The following GPC5 variants were observed in gnomAD, a reference collection of about 807,000 sequenced individuals.
GPC5 encodes glypican 5.
In GPC5, 47 loss-of-function variants were observed where a neutral mutation model predicts 53.9. That is an observed-to-expected ratio of 0.87 (90% CI 0.69 to 1.11). The LOEUF (loss-of-function observed/expected upper bound fraction) is 1.11, where lower values mean the gene tolerates loss of function less well. GPC5 is among the 50% of genes most tolerant of loss of function. The pLI, the probability that GPC5 is intolerant of heterozygous loss-of-function variation, is 0.00. For synonymous variants in GPC5, 286 were observed against 263.3 expected (o/e 1.09, Z -0.84); for missense variants, 748 against 713.1 (o/e 1.05, Z -0.56).
At chr13:92,154,415 A>G (rs1032677185) in intron 7 of GPC5, among the ~76,000 whole-genome samples, 4 of 152,148 alleles carry the variant, frequency 2.6e-5, no homozygotes, top group Non-Finnish European at 4.4e-5. Flanking sequence ...TCAGTGATCC[A>G]TTACTTCTTT....
intron 6 of GPC5, among the ~76,000 whole-genome samples, chr13:91,989,435 G>T (rs770662601): frequency 5.9e-5 from 9 of 152,102 alleles, no homozygotes; most frequent in Non-Finnish European, 1.3e-4. Context: ...ACAATGCCAG[G>T]TTTTATGTAA....
intron 6 of GPC5, among the ~76,000 whole-genome samples, chr13:91,994,115 C>G (rs554728453): frequency 2.0e-5 from 3 of 152,222 alleles, no homozygotes; most frequent in African/African-American, 7.2e-5. Context: ...CAAAATGTTG[C>G]CCAGGTACTA....
At chr13:91,498,935 CACTCCAGCCTGGGGAACAGAGATG>C (rs1335488774) in intron 2 of GPC5, among the ~76,000 whole-genome samples, 3 of 151,452 alleles carry the variant, frequency 2.0e-5, no homozygotes, top group Non-Finnish European at 4.4e-5. Flanking sequence ...CTTACCACTG[CACTCCAGCCTGGGGAACAGAGATG>C]GAGTCTCCCT....
intron 5 of GPC5, among the ~76,000 whole-genome samples, chr13:91,809,809 G>C (rs879907684): frequency 2.6e-5 from 4 of 151,808 alleles, no homozygotes; most frequent in Non-Finnish European, 4.4e-5. Context: ...AAAAATTCTC[G>C]TGAATATGTG....
chr13:91,976,651 A>T (rs780705216), intron 6 of GPC5, among the ~76,000 whole-genome samples: 2 of 152,212 alleles, frequency 1.3e-5, no homozygotes, highest in Non-Finnish European at 2.9e-5. Context: ...GGATGCAGTG[A>T]TCTGGCGAGT....
chr13:92,213,791 C>A (rs2042391577), intron 7 of GPC5, among the ~76,000 whole-genome samples: 1 of 152,114 alleles, frequency 6.6e-6, no homozygotes, highest in Admixed American at 6.6e-5. Flanking sequence ...TTGCTGCAGT[C>A]CTGCTTTCAT....
intron 5 of GPC5, among the ~76,000 whole-genome samples, chr13:91,820,988 A>G (rs74780472): frequency 5.5e-5 from 6 of 108,288 alleles, no homozygotes; most frequent in Non-Finnish European, 9.8e-5. Flanking sequence ...AAATAAAATA[A>G]AAAAAAAAAA....
At chr13:92,045,872 T>A (rs548978169) in intron 6 of GPC5, among the ~76,000 whole-genome samples, 2 of 152,174 alleles carry the variant, frequency 1.3e-5, no homozygotes, top group East Asian at 3.9e-4. Flanking sequence ...TGAGAAAAAT[T>A]ATAATTTGCC....
At chr13:92,514,405 G>A (rs931129129) in intron 7 of GPC5, among the ~76,000 whole-genome samples, 28 of 152,076 alleles carry the variant, frequency 1.8e-4, no homozygotes, top group Admixed American at 1.8e-3. Context: ...AGAAGTCCTT[G>A]TTTCAGGCTC....
intron 7 of GPC5, among the ~76,000 whole-genome samples, chr13:92,646,929 CATGTGTGTGT>C (rs1349935829): frequency 3.7e-5 from 5 of 135,154 alleles, no homozygotes; most frequent in Non-Finnish European, 7.9e-5. Flanking sequence ...TATATATAAA[CATGTGTGTGT>C]GTGTGTGTGT....
At chr13:91,708,196 G>A (rs192700131) in intron 3 of GPC5, among the ~76,000 whole-genome samples, 44 of 152,258 alleles carry the variant, frequency 2.9e-4, no homozygotes, top group African/African-American at 9.4e-4. Context: ...ATTGATAAAG[G>A]GAGGACATAG....
At chr13:91,812,875 C>G (rs1345067491) in intron 5 of GPC5, among the ~76,000 whole-genome samples, 1 of 152,088 alleles carries the variant, frequency 6.6e-6, no homozygotes, top group Non-Finnish European at 1.5e-5. Flanking sequence ...ACCCTCTGAC[C>G]CAGTTTGCAA....
At chr13:92,278,938 G>A (rs952605891) in intron 7 of GPC5, among the ~76,000 whole-genome samples, 1 of 151,872 alleles carries the variant, frequency 6.6e-6, no homozygotes, top group African/African-American at 2.4e-5. Flanking sequence ...TTTCTAATAA[G>A]TTTTGAAATT....
intron 6 of GPC5, among the ~76,000 whole-genome samples, chr13:91,979,138 G>T (rs2040334624): frequency 6.6e-6 from 1 of 152,028 alleles, no homozygotes; most frequent in African/African-American, 2.4e-5. Flanking sequence ...TCCAAGCAGA[G>T]ATACCAAACA....
rs935801746 is a variant in GPC5 at position 92,525,823 on chromosome 13, T to C, written c.1562-340459T>C. On this transcript the variant is annotated intron_variant, in intron 7 of 7. Transcript: ENST00000377067. Reference sequence around the variant, plus strand: ...TGCCAGAAATTTGCTCTGATCCCAATATTCACAGCTATATACTCCTCTGTA... The same window carrying C: ...TGCCAGAAATTTGCTCTGATCCCAACATTCACAGCTATATACTCCTCTGTA... Among the ~76,000 whole-genome samples the C allele has an allele frequency of 3.3e-5, 5 of 152,176 alleles. No individual in the cohort carries two copies. In the East Asian group the frequency reaches 9.7e-4, roughly 29 times the overall value.
chr13:91,974,145 A>G (rs55858460), intron 6 of GPC5, among the ~76,000 whole-genome samples: 2 of 152,128 alleles, frequency 1.3e-5, no homozygotes, highest in Non-Finnish European at 2.9e-5. Context: ...ATCTATGACA[A>G]ACCCACAGCC....
rs371805819 is a variant in GPC5 at position 91,528,552 on chromosome 13, G to A, written c.325+79630G>A. On this transcript the variant is annotated intron_variant, in intron 2 of 7. Coordinates refer to ENST00000377067, the MANE Select transcript of GPC5 (RefSeq NM_004466.6). Reference sequence around the variant, plus strand: ...GTTCCAAACATTCCCACATCTTCCCGTCTTCTTTTGAGCCCTCAAACTGTT... The same window carrying A: ...GTTCCAAACATTCCCACATCTTCCCATCTTCTTTTGAGCCCTCAAACTGTT... 6.5e-4 allele frequency among the ~76,000 whole-genome samples: 99 copies of A among 152,194 alleles called. 1 individual carries two copies. In the South Asian group the frequency reaches 0.019, roughly 29 times the overall value.
At chr13:92,587,673 C>T (rs909694760) in intron 7 of GPC5, among the ~76,000 whole-genome samples, 2 of 152,076 alleles carry the variant, frequency 1.3e-5, no homozygotes, top group African/African-American at 4.8e-5. Context: ...CTATGATTTG[C>T]TAACAAAAGA....
intron 7 of GPC5, among the ~76,000 whole-genome samples, chr13:92,652,180 C>T (rs904750381): frequency 1.3e-5 from 2 of 152,052 alleles, no homozygotes; most frequent in African/African-American, 4.8e-5. Context: ...TTTGCAGATA[C>T]TTACAAGTTA....
Sources: allele counts gnomAD v4.1 joint callset (sites outside exome capture counted in the v4.1 genomes callset), GRCh38; gene constraint gnomAD v4.1.1; transcripts MANE v1.5; gene names NCBI Gene and HGNC (gene_info 2026-07-23, HGNC 2026-07-21).